The following H1-6 variants were observed in gnomAD, a reference collection of about 807,000 sequenced individuals.
The protein encoded by H1-6 is histone H1t.
For synonymous variants in H1-6, 225 were observed against 100.1 expected (o/e 2.25, Z -7.45); for missense variants, 538 against 246.5 (o/e 2.18, Z -7.92).
chr6:26,107,416 T>G lies in H1-6; in HGVS notation c.*54A>C. The G allele has an allele frequency of 7.0e-7, 1 of 1,426,720 alleles. No individual in the cohort carries two copies. 88.4% of individuals were successfully genotyped at this position (1,426,720 alleles called of 1,614,324 possible). On this transcript the variant is annotated 3_prime_UTR_variant, in exon 1 of 1. Transcript: ENST00000338379. ...TTACGCCATCTTAAAATAATGTGGG[T>G]GGCTCTTAAAAGAGCCTTTGGGTTC... is the stretch of plus-strand genomic sequence containing the variant.
rs201893765 is a variant in H1-6 at position 26,108,004 on chromosome 6, A to C, written c.90T>G (p.Ala30=). Residue 30 remains alanine (A), a synonymous_variant, in exon 1 of 1, where the codon GCT becomes GCG. Transcript: ENST00000338379. ...CTTTGCGACTTGCACTTATCAAGCC[A>C]GCCGGCTTCCTCCCTCGCTTCTTGG... ...LPTKKRGRKP[A]GLISASRKVP... 1 of 1,614,116 alleles carries C rather than the reference A, an allele frequency of 6.2e-7. No individual in the cohort carries two copies. Among genetic ancestry groups the C allele is most frequent in the Non-Finnish European group, 8.5e-7 (1 of 1,180,054 alleles).
Position 26,108,127 on chromosome 6 carries a change from G to A in H1-6, c.-34C>T, listed in dbSNP as rs181619206. The A allele has an allele frequency of 6.1e-4, 970 of 1,601,548 alleles. No individual in the cohort carries two copies. Among genetic ancestry groups the A allele is most frequent in the Middle Eastern group, 2.3e-3 (11 of 4,826 alleles). On this transcript the variant is annotated 5_prime_UTR_variant, in exon 1 of 1. Coordinates refer to ENST00000338379, the MANE Select transcript of H1-6 (RefSeq NM_005323.4). ...AGAAACGCAAGATGTAATAACCAGC[G>A]AAAAGCATGAAACACCCGGGCGGCC... is the stretch of plus-strand genomic sequence containing the variant.
Position 26,107,946 on chromosome 6 carries a change from C to T in H1-6, c.148G>A (p.Glu50Lys), listed in dbSNP as rs777118587. 3.1e-6 allele frequency: 5 copies of T among 1,614,202 alleles called. No homozygotes were observed. The highest frequency in any genetic ancestry group is 2.2e-5 in the South Asian group (2 of 91,082). Residue 50 changes from glutamate to lysine, a missense_variant, in exon 1 of 1, where the codon GAG becomes AAG. Transcript: ENST00000338379. ...PNLSVSKLIT[E>K]ALSVSQERVG... ...CGTTCCTGTGACACTGAAAGGGCCT[C>T]GGTGATCAACTTGGACACAGAGAGG...
Position 26,107,729 on chromosome 6 carries a change from C to A in H1-6, c.365G>T (p.Ser122Ile). The stretch of plus-strand genomic sequence containing the variant: ...GGCAGAAACTGACTTTTTAGCCTTG[C>A]TTCTGGTAGATTTAGGAATCACCTT... ...SKKVIPKSTRSKAKKSVSAKT... is the reference protein window; with the variant it reads ...SKKVIPKSTRIKAKKSVSAKT... The change falls in exon 1 of 1, where the codon AGC (serine) becomes ATC (isoleucine). Residue 122 changes from serine to isoleucine, a missense_variant. Transcript: ENST00000338379. The A allele has an allele frequency of 6.2e-7, 1 of 1,614,148 alleles. No homozygotes were observed.
chr6:26,107,826 T>C lies in H1-6; in HGVS notation c.268A>G (p.Ser90Gly), dbSNP rs1763296289. The part of the protein sequence containing the change: ...NNSRIKLSLK[S>G]LVNKGILVQT... ...ACCAGGATTCCCTTGTTCACTAAGCTCTTGAGGGACAGTTTGATGCGGCTG... is the reference window on the plus strand; with the variant it reads ...ACCAGGATTCCCTTGTTCACTAAGCCCTTGAGGGACAGTTTGATGCGGCTG... Residue 90 changes from serine (S) to glycine (G), a missense_variant, in exon 1 of 1, where the codon AGC (serine) becomes GGC (glycine). Physicochemically the swap from Ser to Gly is moderately conservative, Grantham distance 56. Coordinates refer to ENST00000338379, the MANE Select transcript of H1-6 (RefSeq NM_005323.4). The C allele has an allele frequency of 6.2e-7, 1 of 1,614,060 alleles. No individual in the cohort carries two copies. The highest frequency in any genetic ancestry group is 8.5e-7 in the Non-Finnish European group (1 of 1,180,034).
chr6:26,107,488 C>G lies in H1-6; in HGVS notation c.606G>C (p.Lys202Asn). The change falls in exon 1 of 1, where the codon AAG becomes AAC. Residue 202 changes from lysine (K) to asparagine (N), a missense_variant. Physicochemically the swap from Lys to Asn is moderately conservative, Grantham distance 94. Transcript: ENST00000338379. Reference protein sequence around the residue: ...LTQHHEVNVRKATSKK With the variant: ...LTQHHEVNVRNATSKK Reference sequence around the variant, plus strand: ...AAGCTCTTTACTTCTTAGATGTGGCCTTTCTAACATTAACTTCATGATGTT... The same window carrying G: ...AAGCTCTTTACTTCTTAGATGTGGCGTTTCTAACATTAACTTCATGATGTT... 6.2e-7 allele frequency: 1 copy of G among 1,602,704 alleles called. No individual in the cohort carries two copies. The highest frequency in any genetic ancestry group is 8.5e-7 in the Non-Finnish European group (1 of 1,176,798).
At position 26,107,954 on chromosome 6, in the gene H1-6, A is replaced by C. The variant is rs372829122; in HGVS notation, c.140T>G (p.Leu47Trp). The C allele has an allele frequency of 2.5e-6, 4 of 1,614,214 alleles. No homozygotes were observed. The highest frequency in any genetic ancestry group is 3.4e-6 in the Non-Finnish European group (4 of 1,180,046). ...RKVPNLSVSK[L>W]ITEALSVSQE... ...TGACACTGAAAGGGCCTCGGTGATC[A>C]ACTTGGACACAGAGAGGTTCGGCAC... The change falls in exon 1 of 1, where the codon TTG becomes TGG. Residue 47 changes from leucine (L) to tryptophan (W), a missense_variant. By Grantham distance (61) the Leu-to-Trp change is moderately conservative (BLOSUM62 -2). Coordinates refer to ENST00000338379, the MANE Select transcript of H1-6 (RefSeq NM_005323.4).
At position 26,107,712 on chromosome 6, in the gene H1-6, C is replaced by CT. The variant is rs776281878; in HGVS notation, c.381dup (p.Val128SerfsTer21). 1.9e-6 allele frequency: 3 copies of CT among 1,614,172 alleles called. No homozygotes were observed. Among genetic ancestry groups the CT allele is most frequent in the Non-Finnish European group, 2.5e-6 (3 of 1,180,034 alleles). ...ACCAGCTTCTTGGTCTTGGCAGAAA[C>CT]TGACTTTTTAGCCTTGCTTCTGGTA... On this transcript the variant is annotated frameshift_variant, in exon 1 of 1. Coordinates refer to ENST00000338379, the MANE Select transcript of H1-6 (RefSeq NM_005323.4). LOFTEE classifies it low-confidence loss of function (END_TRUNC).
At position 26,108,063 on chromosome 6, in the gene H1-6, T is replaced by C. The variant is rs1439509314; in HGVS notation, c.31A>G (p.Ser11Gly). The C allele has an allele frequency of 2.2e-5, 36 of 1,614,042 alleles. No individual in the cohort carries two copies. The highest frequency in any genetic ancestry group is 3.1e-5 in the Non-Finnish European group (36 of 1,180,022). The change falls in exon 1 of 1, where the codon AGT becomes GGT. Residue 11 changes from serine to glycine, a missense_variant. Physicochemically the swap from Ser to Gly is moderately conservative, Grantham distance 56. Coordinates refer to ENST00000338379, the MANE Select transcript of H1-6 (RefSeq NM_005323.4). Reference sequence around the variant, plus strand: ...TTCTCCATAGCGGCTACACCAGCACTGGCAGAAGCTGCAGGCACGGTTTCA... The same window carrying C: ...TTCTCCATAGCGGCTACACCAGCACCGGCAGAAGCTGCAGGCACGGTTTCA... MSETVPAASA[S>G]AGVAAMEKLP...
In H1-6 at chr6:26,108,034, A is replaced by C. The variant is rs1763308629; in HGVS notation, c.60T>G (p.Leu20=). Residue 20 remains leucine, a synonymous_variant, in exon 1 of 1, where the codon CTT becomes CTG. Coordinates refer to ENST00000338379, the MANE Select transcript of H1-6 (RefSeq NM_005323.4). ...GCTTCCTCCCTCGCTTCTTGGTTGG[A>C]AGTTTCTCCATAGCGGCTACACCAG... ...ASAGVAAMEK[L]PTKKRGRKPA... The C allele has an allele frequency of 1.2e-6, 2 of 1,614,062 alleles. No homozygotes were observed. The highest frequency in any genetic ancestry group is 1.7e-6 in the Non-Finnish European group (2 of 1,180,026).
In H1-6 at chr6:26,107,792, C is replaced by T. The variant is rs1325634186; in HGVS notation, c.302G>A (p.Arg101Lys). The T allele has an allele frequency of 1.9e-6, 3 of 1,614,088 alleles. No homozygotes were observed. Among genetic ancestry groups the T allele is most frequent in the Non-Finnish European group, 2.5e-6 (3 of 1,180,034 alleles). Residue 101 changes from arginine to lysine, a missense_variant, in exon 1 of 1, where the codon AGG (arginine) becomes AAG (lysine). Arg to Lys is a conservative substitution (Grantham distance 26, BLOSUM62 2). Coordinates refer to ENST00000338379, the MANE Select transcript of H1-6 (RefSeq NM_005323.4). The part of the protein sequence containing the change: ...LVNKGILVQT[R>K]GTGASGSFKL... The stretch of plus-strand genomic sequence containing the variant: ...AAAGGAACCGGAAGCACCAGTACCC[C>T]TGGTTTGCACCAGGATTCCCTTGTT...
Position 26,107,957 on chromosome 6 carries a change from T to C in H1-6, c.137A>G (p.Lys46Arg), listed in dbSNP as rs376970828. 3 of 1,614,082 alleles carry C rather than the reference T, an allele frequency of 1.9e-6. No homozygotes were observed. ...SRKVPNLSVS[K>R]LITEALSVSQ... Reference sequence around the variant, plus strand: ...CACTGAAAGGGCCTCGGTGATCAACTTGGACACAGAGAGGTTCGGCACTTT... The same window carrying C: ...CACTGAAAGGGCCTCGGTGATCAACCTGGACACAGAGAGGTTCGGCACTTT... Residue 46 changes from lysine to arginine, a missense_variant, in exon 1 of 1, where the codon AAG becomes AGG. Transcript: ENST00000338379.
rs1763283507 is a variant in H1-6 at position 26,107,749 on chromosome 6, C to T, written c.345G>A (p.Val115=). The T allele has an allele frequency of 3.7e-6, 6 of 1,614,106 alleles. No homozygotes were observed. The highest frequency in any genetic ancestry group is 5.1e-6 in the Non-Finnish European group (6 of 1,180,054). The part of the protein sequence containing the change: ...ASGSFKLSKK[V]IPKSTRSKAK... ...CCTTGCTTCTGGTAGATTTAGGAAT[C>T]ACCTTCTTACTAAGCTTAAAGGAAC... Residue 115 remains valine, a synonymous_variant, in exon 1 of 1, where the codon GTG becomes GTA. Transcript: ENST00000338379.
rs570948809 is a variant in H1-6 at position 26,107,609 on chromosome 6, T to C, written c.485A>G (p.Lys162Arg). The C allele has an allele frequency of 1.0e-4, 165 of 1,614,174 alleles. No homozygotes were observed. In the East Asian group the frequency reaches 1.8e-3, roughly 17 times the overall value. ...AGCCTTTCTCCCGCTCCTAACAGTT[T>C]TAGGAGTTGTCGCTCTCGGCTTCTT... ...RAKKPRATTP[K>R]TVRSGRKAKG... Residue 162 changes from lysine to arginine, a missense_variant, in exon 1 of 1, where the codon AAA (lysine) becomes AGA (arginine). By Grantham distance (26) the Lys-to-Arg change is conservative. Transcript: ENST00000338379.
At position 26,107,662 on chromosome 6, in the gene H1-6, T is replaced by TG; in HGVS notation, c.431dup (p.Thr146AspfsTer3). ...CTCTCTTATTGGTTTTAGCAGTCTT[T>TG]GGTGACTTGGAGTCCCTGGATAAAA... On this transcript the variant is annotated frameshift_variant, in exon 1 of 1. Coordinates refer to ENST00000338379, the MANE Select transcript of H1-6 (RefSeq NM_005323.4). LOFTEE classifies it low-confidence loss of function (END_TRUNC). 1 of 1,614,208 alleles carries TG rather than the reference T, an allele frequency of 6.2e-7. No homozygotes were observed. The highest frequency in any genetic ancestry group is 8.5e-7 in the Non-Finnish European group (1 of 1,180,038).
chr6:26,107,641 CTT>C lies in H1-6; in HGVS notation c.451_452del (p.Lys151GlufsTer11), dbSNP rs760229070. 3.1e-6 allele frequency: 5 copies of C among 1,614,038 alleles called. No individual in the cohort carries two copies. Among genetic ancestry groups the C allele is most frequent in the Non-Finnish European group, 4.2e-6 (5 of 1,180,022 alleles). ...SKSPKTAKTN[K>X]RAKKPRATTP... ...TTGTCGCTCTCGGCTTCTTGGCTCTCTTATTGGTTTTAGCAGTCTTTGGTGAC... is the reference window on the plus strand; with the variant it reads ...TTGTCGCTCTCGGCTTCTTGGCTCTCATTGGTTTTAGCAGTCTTTGGTGAC... On this transcript the variant is annotated frameshift_variant, in exon 1 of 1. Transcript: ENST00000338379. LOFTEE classifies it low-confidence loss of function (END_TRUNC).
At position 26,107,971 on chromosome 6, in the gene H1-6, G is replaced by T; in HGVS notation, c.123C>A (p.Asn41Lys). The T allele has an allele frequency of 6.2e-7, 1 of 1,614,212 alleles. No homozygotes were observed. The highest frequency in any genetic ancestry group is 8.5e-7 in the Non-Finnish European group (1 of 1,180,046). The change falls in exon 1 of 1, where the codon AAC becomes AAA. Residue 41 changes from asparagine (N) to lysine (K), a missense_variant. Asn to Lys is a moderately conservative substitution (Grantham distance 94). Coordinates refer to ENST00000338379, the MANE Select transcript of H1-6 (RefSeq NM_005323.4). ...GLISASRKVPNLSVSKLITEA... is the reference protein window; with the variant it reads ...GLISASRKVPKLSVSKLITEA... Reference sequence around the variant, plus strand: ...CGGTGATCAACTTGGACACAGAGAGGTTCGGCACTTTGCGACTTGCACTTA... The same window carrying T: ...CGGTGATCAACTTGGACACAGAGAGTTTCGGCACTTTGCGACTTGCACTTA...
rs141494120 is a variant in H1-6 at position 26,107,812 on chromosome 6, C to T, written c.282G>A (p.Lys94=). Residue 94 remains lysine, a synonymous_variant, in exon 1 of 1, where the codon AAG becomes AAA. Coordinates refer to ENST00000338379, the MANE Select transcript of H1-6 (RefSeq NM_005323.4). ...TACCCCTGGTTTGCACCAGGATTCC[C>T]TTGTTCACTAAGCTCTTGAGGGACA... ...IKLSLKSLVN[K]GILVQTRGTG... is the part of the protein sequence containing the mutation. 560 of 1,614,226 alleles carry T rather than the reference C, an allele frequency of 3.5e-4. No individual in the cohort carries two copies. The highest frequency in any genetic ancestry group is 1.9e-3 in the African/African-American group (143 of 75,054).
chr6:26,108,018 C>G lies in H1-6; in HGVS notation c.76G>C (p.Gly26Arg), dbSNP rs765122811. Reference sequence around the variant, plus strand: ...CTTATCAAGCCAGCCGGCTTCCTCCCTCGCTTCTTGGTTGGAAGTTTCTCC... The same window carrying G: ...CTTATCAAGCCAGCCGGCTTCCTCCGTCGCTTCTTGGTTGGAAGTTTCTCC... The part of the protein sequence containing the change: ...AMEKLPTKKR[G>R]RKPAGLISAS... The change falls in exon 1 of 1, where the codon GGG becomes CGG. Residue 26 changes from glycine (G) to arginine (R), a missense_variant. Physicochemically the swap from Gly to Arg is moderately radical, Grantham distance 125. Coordinates refer to ENST00000338379, the MANE Select transcript of H1-6 (RefSeq NM_005323.4). 31 of 1,614,222 alleles carry G rather than the reference C, an allele frequency of 1.9e-5. No individual in the cohort carries two copies. The highest frequency in any genetic ancestry group is 2.3e-5 in the Non-Finnish European group (27 of 1,180,038).
Sources: gnomAD v4.1 joint callset for allele counts on GRCh38, gnomAD v4.1.1 for gene constraint, MANE v1.5 for transcripts, NCBI Gene and HGNC (gene_info 2026-07-23, HGNC 2026-07-21) for gene names.